The following TFR2 variants were observed in gnomAD, a reference collection of about 807,000 sequenced individuals.
TFR2 encodes transferrin receptor 2, also known as transferrin receptor protein 2.
TFR2 carries 64 observed loss-of-function variants against 91.9 expected under a neutral mutation model. The ratio of observed to expected loss-of-function variants is 0.70; its 90% confidence interval spans 0.57 to 0.86. The LOEUF (loss-of-function observed/expected upper bound fraction) is 0.86, where lower values mean the gene tolerates loss of function less well. Ranked by LOEUF, TFR2 falls within the 40% of genes least tolerant of loss-of-function variation. The probability of loss-of-function intolerance (pLI) is 0.00; values close to 1 mark genes in which losing one functional copy is unlikely to be tolerated. For missense variants in TFR2, 950 were observed against 1,080.5 expected (o/e 0.88, Z 1.69); for synonymous variants, 454 against 459.6 (o/e 0.99, Z 0.15).
rs962890617 is a variant in TFR2 at position 100,620,850 on chromosome 7, C to T, written c.*7G>A. 1 of 1,613,990 alleles carries T rather than the reference C, an allele frequency of 6.2e-7. No individual in the cohort carries two copies. On this transcript the variant is annotated 3_prime_UTR_variant, in exon 18 of 18. Transcript: ENST00000223051. ...TGGGGGACGGGGATGTGAGGATCCCCAGGGCCTCAGAAGTTGTTATCAATG... is the reference window on the plus strand; with the variant it reads ...TGGGGGACGGGGATGTGAGGATCCCTAGGGCCTCAGAAGTTGTTATCAATG...
intron 3 of TFR2, among the ~76,000 whole-genome samples, chr7:100,639,415 G>C (rs1803645724): frequency 6.6e-6 from 1 of 152,152 alleles, no homozygotes; most frequent in African/African-American, 2.4e-5. Flanking sequence ...GGAGTGAAAG[G>C]AAACTTCCTT....
At chr7:100,622,665 T>C (rs1803141604) in intron 17 of TFR2, among the ~76,000 whole-genome samples, 1 of 152,220 alleles carries the variant, frequency 6.6e-6, no homozygotes, top group South Asian at 2.1e-4. Flanking sequence ...CCTTCTACTA[T>C]GGTAACTGCA....
At chr7:100,623,473 C>G (rs745669801) in intron 17 of TFR2, among the ~76,000 whole-genome samples, 14 of 151,836 alleles carry the variant, frequency 9.2e-5, no homozygotes, top group Non-Finnish European at 1.6e-4. Flanking sequence ...TGACCAAAAT[C>G]ACTCCTAAAA....
intron 3 of TFR2, among the ~76,000 whole-genome samples, chr7:100,636,295 C>T (rs577299212): frequency 6.6e-6 from 1 of 151,584 alleles, no homozygotes; most frequent in South Asian, 2.1e-4. Context: ...CCTGCCTCAG[C>T]CTCCCGAGTA....
chr7:100,632,325 T>C, intron 6 of TFR2, 127 bp from the exon 7 acceptor site: 1 of 888,982 alleles, frequency 1.1e-6, no homozygotes. Context: ...GTGGGGGCAC[T>C]ACCTGGCCTG....
At chr7:100,629,788 C>T (rs1803377767) in intron 9 of TFR2, among the ~76,000 whole-genome samples, 1 of 152,174 alleles carries the variant, frequency 6.6e-6, no homozygotes, top group Non-Finnish European at 1.5e-5. Flanking sequence ...CTCTGTTGCC[C>T]AGGCTGGAGT....
Position 100,632,040 on chromosome 7 carries a change from C to T in TFR2, c.966+42G>A, listed in dbSNP as rs569483376. ...CCTATTCTGAGCAAGAAGGTGTGGC[C>T]TCGGGACCTGGGAACAGCACGACCA... On this transcript the variant is annotated intron_variant, in intron 7 of 17. Coordinates refer to ENST00000223051, the MANE Select transcript of TFR2 (RefSeq NM_003227.4). 665 of 1,613,996 alleles carry T rather than the reference C, an allele frequency of 4.1e-4. 8 individuals carry two copies. The South Asian group carries it at 6.8e-3, about 17-fold the overall frequency.
Position 100,620,487 on chromosome 7 carries a change from C to T in TFR2, c.*370G>A, listed in dbSNP as rs958874326. 7.0e-5 allele frequency: 15 copies of T among 214,658 alleles called. No individual in the cohort carries two copies. Among genetic ancestry groups the T allele is most frequent in the Middle Eastern group, 1.7e-3 (1 of 586 alleles). 13.3% of individuals were successfully genotyped at this position (214,658 alleles called of 1,614,324 possible). On this transcript the variant is annotated 3_prime_UTR_variant, in exon 18 of 18. Transcript: ENST00000223051. ...CCTTTCACCACAGACCACCTGTTGG[C>T]CATAAGGCTATGGTGCCAGCGATCT...
chr7:100,624,916 A>G (rs566781124), intron 17 of TFR2, among the ~76,000 whole-genome samples: 1 of 151,644 alleles, frequency 6.6e-6, no homozygotes, highest in Non-Finnish European at 1.5e-5. Context: ...AATTTGGCCA[A>G]TGGGCAGTAG....
chr7:100,641,309 CT>C, intron 1 of TFR2, 81 bp from the exon 2 acceptor site: 1 of 1,119,518 alleles, frequency 8.9e-7, no homozygotes, highest in Non-Finnish European at 1.2e-6. Context: ...AGGTCAGTGA[CT>C]TGGGGGTGTC....
chr7:100,634,177 AACACACACACACACACACAC>A (rs3076877), intron 3 of TFR2, among the ~76,000 whole-genome samples: 24 of 132,746 alleles, frequency 1.8e-4, no homozygotes, highest in Non-Finnish European at 1.9e-4. Context: ...TCCCGACGTC[AACACACACACACACACACAC>A]ACACACACAC....
chr7:100,633,700 T>G, intron 3 of TFR2, 144 bp from the exon 4 acceptor site: 2 of 9,888 alleles, frequency 2.0e-4, no homozygotes, highest in Non-Finnish European at 2.7e-4. Context: ...CGCGGACGCT[T>G]TTTTTTTTTT....
intron 10 of TFR2, 51 bp downstream of exon 10, chr7:100,629,202 C>T (rs745569036): frequency 6.2e-7 from 1 of 1,610,166 alleles, no homozygotes; most frequent in East Asian, 2.2e-5. Flanking sequence ...CTCCTCGGGC[C>T]ACAGGCCCAC....
In TFR2 at chr7:100,620,508, G is replaced by A. The variant is rs532966252; in HGVS notation, c.*349C>T. On this transcript the variant is annotated 3_prime_UTR_variant, in exon 18 of 18. Transcript: ENST00000223051. ...TTGGCCATAAGGCTATGGTGCCAGCGATCTCTCCCACTAACAGAGCTGGCC... is the reference window on the plus strand; with the variant it reads ...TTGGCCATAAGGCTATGGTGCCAGCAATCTCTCCCACTAACAGAGCTGGCC... 3.3e-5 allele frequency: 8 copies of A among 241,984 alleles called. No homozygotes were observed. The highest frequency in any genetic ancestry group is 5.0e-5 in the Admixed American group (1 of 19,924). 15.0% of individuals were successfully genotyped at this position (241,984 alleles called of 1,614,324 possible).
rs368370021 is a variant in TFR2 at position 100,641,457 on chromosome 7, C to T, written c.33+20G>A. ...TTAGAGAGAAGGCCTAAGGGGTCTT[C>T]CCAATCCCACTAGTCTTACCGCTCT... is the stretch of plus-strand genomic sequence containing the variant. On this transcript the variant is annotated intron_variant, in intron 1 of 17. Coordinates refer to ENST00000223051, the MANE Select transcript of TFR2 (RefSeq NM_003227.4). 7 of 1,613,598 alleles carry T rather than the reference C, an allele frequency of 4.3e-6. No individual in the cohort carries two copies. The African/African-American group carries it at 6.7e-5, about 15-fold the overall frequency.
At chr7:100,623,948 C>T (rs532427812) in intron 17 of TFR2, among the ~76,000 whole-genome samples, 3 of 150,304 alleles carry the variant, frequency 2.0e-5, no homozygotes, top group East Asian at 2.0e-4. Context: ...CCCAGCTACT[C>T]GGGAGGCAGA....
chr7:100,634,843 G>A (rs1341855493), intron 3 of TFR2, among the ~76,000 whole-genome samples: 4 of 152,274 alleles, frequency 2.6e-5, no homozygotes, highest in East Asian at 1.9e-4. Flanking sequence ...GTTTAGACTC[G>A]TCAGTTCCTC....
Position 100,633,210 on chromosome 7 carries a change from G to T in TFR2, c.726+19C>A. 6.2e-7 allele frequency: 1 copy of T among 1,613,558 alleles called. No individual in the cohort carries two copies. On this transcript the variant is annotated intron_variant, in intron 5 of 17. Coordinates refer to ENST00000223051, the MANE Select transcript of TFR2 (RefSeq NM_003227.4). ...GCTCGTGCCGCGCCCCATCCTAGGA[G>T]CGGGCAGGGGGTGCTCACCGTGACG...
In TFR2 at chr7:100,628,121, G is replaced by A; in HGVS notation, c.1489C>T (p.Leu497=). 1 of 1,614,098 alleles carries A rather than the reference G, an allele frequency of 6.2e-7. No homozygotes were observed. The highest frequency in any genetic ancestry group is 2.2e-5 in the East Asian group (1 of 44,878). The change falls in exon 12 of 18, where the codon CTG becomes TTG. Residue 497 remains leucine (L), a synonymous_variant. Transcript: ENST00000223051. ...TEWLEGYLSV[L]HLKAVVYVSL... is the part of the protein sequence containing the mutation. ...ACGTACACTACGGCTTTGAGGTGCA[G>A]CACGCTGAGGTAGCCCTGTGGGTGG...
Sources: gnomAD v4.1 joint callset for allele counts (sites outside exome capture counted in the v4.1 genomes callset) on GRCh38, gnomAD v4.1.1 for gene constraint, MANE v1.5 for transcripts, NCBI Gene and HGNC (gene_info 2026-07-23, HGNC 2026-07-21) for gene names.